The following LINGO2 variants were observed in gnomAD, a reference collection of about 807,000 sequenced individuals.
The protein encoded by LINGO2 is leucine-rich repeat and immunoglobulin-like domain-containing nogo receptor-interacting protein 2.
LINGO2 carries 14 observed loss-of-function variants against 30.6 expected under a neutral mutation model. The ratio of observed to expected loss-of-function variants is 0.46; its 90% CI spans 0.30 to 0.72. LINGO2 has a LOEUF of 0.72. LINGO2 is among the 30% of genes least tolerant of loss of function. The pLI is 0.07. For synonymous variants in LINGO2, 317 were observed against 288.5 expected (o/e 1.10, Z -1.00); for missense variants, 729 against 751.7 (o/e 0.97, Z 0.35).
the LINGO2 span, among the ~76,000 whole-genome samples, chr9:28,771,264 A>G: frequency 7.4e-6 from 1 of 135,040 alleles, no homozygotes; most frequent in Admixed American, 7.2e-5. Flanking sequence ...AAATGAACAA[A>G]GAGCTTTTTT....
chr9:28,482,867 C>T (rs7019970), intron 1 of LINGO2, among the ~76,000 whole-genome samples: 28,292 of 151,854 alleles, frequency 0.19, 2,908 homozygotes, highest in Non-Finnish European at 0.21. Context: ...AAGACTTAAA[C>T]GTTAGACCTA....
the LINGO2 span, among the ~76,000 whole-genome samples, chr9:28,685,221 A>T: frequency 6.6e-6 from 1 of 152,088 alleles, no homozygotes; most frequent in Non-Finnish European, 1.5e-5. Context: ...TGTTTATCCA[A>T]TCTGCCATTG....
At chr9:29,152,844 T>G in the LINGO2 span, among the ~76,000 whole-genome samples, 1 of 152,148 alleles carries the variant, frequency 6.6e-6, no homozygotes, top group Non-Finnish European at 1.5e-5. Flanking sequence ...AAATACTAGC[T>G]TCCGGGTATT....
the LINGO2 span, among the ~76,000 whole-genome samples, chr9:29,065,159 A>G: frequency 6.6e-6 from 1 of 152,214 alleles, no homozygotes; most frequent in Non-Finnish European, 1.5e-5. Flanking sequence ...CTCATTTTTT[A>G]AAAATGGCCA....
At chr9:28,458,586 C>T (rs1824946504) in intron 2 of LINGO2, among the ~76,000 whole-genome samples, 1 of 152,092 alleles carries the variant, frequency 6.6e-6, no homozygotes. Context: ...CTTGGTCATC[C>T]TCTCACTGAT....
intron 1 of LINGO2, among the ~76,000 whole-genome samples, chr9:28,633,563 T>A (rs1827102923): frequency 6.6e-6 from 1 of 152,214 alleles, no homozygotes; most frequent in Non-Finnish European, 1.5e-5. Flanking sequence ...ATGTGTCTTT[T>A]CAGTAACATG....
At chr9:28,731,825 G>A in the LINGO2 span, among the ~76,000 whole-genome samples, 4 of 152,142 alleles carry the variant, frequency 2.6e-5, no homozygotes, top group Admixed American at 6.5e-5. Flanking sequence ...AATTTTGCAA[G>A]ATGATACTCT....
intron 4 of LINGO2, among the ~76,000 whole-genome samples, chr9:28,276,831 C>T (rs185404220): frequency 1.3e-5 from 2 of 152,088 alleles, no homozygotes; most frequent in Admixed American, 6.5e-5. Context: ...CTCTTTATGT[C>T]TAATACCTTT....
chr9:28,618,351 G>A (rs918742528), intron 1 of LINGO2, among the ~76,000 whole-genome samples: 9 of 151,672 alleles, frequency 5.9e-5, no homozygotes, highest in Admixed American at 3.9e-4. Flanking sequence ...TAGCATCTCC[G>A]AGTGTGTTTC....
the LINGO2 span, among the ~76,000 whole-genome samples, chr9:29,006,031 G>C: frequency 1.3e-5 from 2 of 151,642 alleles, no homozygotes; most frequent in African/African-American, 4.8e-5. Context: ...TTTCAGATCA[G>C]ACTAACCATT....
intron 1 of LINGO2, among the ~76,000 whole-genome samples, chr9:28,519,489 GCATATATAGAA>G (rs1820750914): frequency 6.6e-6 from 1 of 152,104 alleles, no homozygotes; most frequent in African/African-American, 2.4e-5. Context: ...AGATGTTAAA[GCATATATAGAA>G]CATTTTGTAC....
At position 27,951,764 on chromosome 9, in the gene LINGO2, T is replaced by C. The variant is rs372294027; in HGVS notation, c.-35-1058A>G. ...AGGTTCAGTAGTTTGAAACAATACTTTTAGATAAAGAAGTATTTCATAAAC... is the reference window on the plus strand; with the variant it reads ...AGGTTCAGTAGTTTGAAACAATACTCTTAGATAAAGAAGTATTTCATAAAC... On this transcript the variant is annotated intron_variant, in intron 5 of 5. Transcript: ENST00000379992. Among the ~76,000 whole-genome samples the C allele has an allele frequency of 4.8e-4, 73 of 152,236 alleles. No individual in the cohort carries two copies. In the South Asian group the frequency reaches 0.013, roughly 28 times the overall value.
At chr9:28,955,569 C>A in the LINGO2 span, among the ~76,000 whole-genome samples, 1 of 152,120 alleles carries the variant, frequency 6.6e-6, no homozygotes, top group Non-Finnish European at 1.5e-5. Context: ...GAGAACGAGA[C>A]CTGGCACTGG....
At position 28,148,930 on chromosome 9, in the gene LINGO2, C is replaced by A. The variant is rs1827898125; in HGVS notation, c.-86-136525G>T. The A allele has an allele frequency of 6.5e-7, 1 of 1,533,820 alleles. No individual in the cohort carries two copies. The highest frequency in any genetic ancestry group is 1.4e-5 in the African/African-American group (1 of 72,976). ...TTGGGTCAAGTAGGTCTTCTCCACA[C>A]AGAGCTGCCGGCCACAGTTCCCACA... On this transcript the variant is annotated intron_variant, in intron 4 of 5. Transcript: ENST00000379992. The surrounding 1 kb of genome is among the most constrained non-coding windows in gnomAD (Gnocchi z 5.1).
the LINGO2 span, among the ~76,000 whole-genome samples, chr9:29,081,236 G>T: frequency 0.027 from 4,095 of 152,164 alleles, 197 homozygotes; most frequent in African/African-American, 0.094. Flanking sequence ...CCATGATCAA[G>T]TGGGCTTCAT....
At chr9:28,540,388 G>C (rs564454251) in intron 1 of LINGO2, among the ~76,000 whole-genome samples, 1 of 151,890 alleles carries the variant, frequency 6.6e-6, no homozygotes, top group East Asian at 2.0e-4. Context: ...AGCCTCCCAA[G>C]TAGCTGGGAC....
At chr9:28,155,360 A>G (rs1828104778) in intron 4 of LINGO2, among the ~76,000 whole-genome samples, 1 of 152,166 alleles carries the variant, frequency 6.6e-6, no homozygotes, top group African/African-American at 2.4e-5. Flanking sequence ...GTCCTATATC[A>G]TCTCTTTAAG....
At chr9:29,095,122 C>T in the LINGO2 span, among the ~76,000 whole-genome samples, 1 of 138,504 alleles carries the variant, frequency 7.2e-6, no homozygotes, top group Non-Finnish European at 1.6e-5. Flanking sequence ...TTGTTTCATA[C>T]TCATTAATTT....
the LINGO2 span, among the ~76,000 whole-genome samples, chr9:29,070,378 A>G: frequency 7.9e-5 from 12 of 152,256 alleles, no homozygotes; most frequent in Non-Finnish European, 1.8e-4. Flanking sequence ...GGAGTGCTGC[A>G]ACAACTCAAA....
Sources: allele counts gnomAD v4.1 joint callset (sites outside exome capture counted in the v4.1 genomes callset), GRCh38; gene constraint gnomAD v4.1.1; non-coding constraint Gnocchi (gnomAD v3.1); transcripts MANE v1.5; gene names NCBI Gene and HGNC (gene_info 2026-07-23, HGNC 2026-07-21).